COL11A1: variants seen among roughly 807,000 people sequenced by gnomAD.
The protein encoded by COL11A1 is collagen type XI alpha 1 chain.
In COL11A1, 74 loss-of-function variants were observed where a neutral mutation model predicts 265.2. That is an observed-to-expected ratio of 0.28 (90% CI 0.23 to 0.34). The LOEUF is 0.34. COL11A1 is among the 10% of genes least tolerant of loss of function. The pLI is 1.00. For missense variants in COL11A1, 2,165 were observed against 2,263.6 expected (o/e 0.96, Z 0.88); for synonymous variants, 816 against 727.6 (o/e 1.12, Z -1.96).
chr1:102,890,510 T>C lies in COL11A1; in HGVS notation c.4303-6A>G, dbSNP rs575546721. The stretch of plus-strand genomic sequence containing the variant: ...CCAGGTAAGCCAGGAGGTCCCTAAA[T>C]AATAACAAAAAAAAAACCCCAAAAC... On this transcript the variant is annotated splice_polypyrimidine_tract_variant and splice_region_variant and intron_variant, in intron 57 of 66. Transcript: ENST00000370096. 2 of 1,588,484 alleles carry C rather than the reference T, an allele frequency of 1.3e-6. No homozygotes were observed. Among genetic ancestry groups the C allele is most frequent in the East Asian group, 2.2e-5 (1 of 44,476 alleles).
intron 41 of COL11A1, among the ~76,000 whole-genome samples, chr1:102,955,747 A>G (rs547052256): frequency 6.6e-6 from 1 of 152,288 alleles, no homozygotes; most frequent in Admixed American, 6.5e-5. Context: ...GTTGCATGAT[A>G]TATTTACATA....
intron 54 of COL11A1, among the ~76,000 whole-genome samples, chr1:102,901,861 C>T (rs1570673401): frequency 6.6e-6 from 1 of 152,074 alleles, no homozygotes; most frequent in East Asian, 1.9e-4. Flanking sequence ...TTAAATATCC[C>T]TTATATTCCA....
At chr1:103,039,360 C>A (rs1668630332) in intron 4 of COL11A1, among the ~76,000 whole-genome samples, 1 of 151,906 alleles carries the variant, frequency 6.6e-6, no homozygotes, top group East Asian at 1.9e-4. Context: ...AAATTGTGTC[C>A]CCTCGAATTT....
chr1:102,935,695 C>T (rs945534796), intron 44 of COL11A1, among the ~76,000 whole-genome samples: 1 of 152,144 alleles, frequency 6.6e-6, no homozygotes, highest in African/African-American at 2.4e-5. Context: ...TTCATTGTCT[C>T]ATTTTCTTAC....
intron 58 of COL11A1, among the ~76,000 whole-genome samples, chr1:102,889,960 C>G (rs1387735471): frequency 6.6e-6 from 1 of 152,092 alleles, no homozygotes; most frequent in African/African-American, 2.4e-5. Flanking sequence ...TTCAGAGACT[C>G]TGCAGTCTTT....
At chr1:102,908,745 A>C (rs1022060674) in intron 54 of COL11A1, among the ~76,000 whole-genome samples, 6 of 152,104 alleles carry the variant, frequency 3.9e-5, no homozygotes, top group African/African-American at 1.4e-4. Flanking sequence ...TATATAAAAA[A>C]ATCAAGTATA....
At chr1:102,996,178 G>T (rs1664608218) in intron 26 of COL11A1, 136 bp from the exon 27 acceptor site, 1 of 828,296 alleles carries the variant, frequency 1.2e-6, no homozygotes, top group African/African-American at 1.7e-5. Flanking sequence ...CTTTTTGGTA[G>T]TTTACTCTTT....
Position 102,950,911 on chromosome 1 carries a change from A to C in COL11A1, c.3169-3955T>G, listed in dbSNP as rs183245284. Among the ~76,000 whole-genome samples the C allele has an allele frequency of 6.7e-4, 102 of 152,212 alleles. 1 individual carries two copies. The highest frequency in any genetic ancestry group is 9.9e-4 in the Non-Finnish European group (67 of 68,012). ...TTCTCCTGACAATGAGTGAGTTCTTATGGGATCTGATGGTTTATAAGGGGC... is the reference window on the plus strand; with the variant it reads ...TTCTCCTGACAATGAGTGAGTTCTTCTGGGATCTGATGGTTTATAAGGGGC... On this transcript the variant is annotated intron_variant, in intron 41 of 66. Coordinates refer to ENST00000370096, the MANE Select transcript of COL11A1 (RefSeq NM_001854.4).
At position 103,021,689 on chromosome 1, in the gene COL11A1, A is replaced by C; in HGVS notation, c.1308+18T>G. 1 of 1,566,800 alleles carries C rather than the reference A, an allele frequency of 6.4e-7. No homozygotes were observed. Among genetic ancestry groups the C allele is most frequent in the Non-Finnish European group, 8.8e-7 (1 of 1,136,744 alleles). On this transcript the variant is annotated intron_variant, in intron 9 of 66. Coordinates refer to ENST00000370096, the MANE Select transcript of COL11A1 (RefSeq NM_001854.4). ...GCAATTTTACCAACCTTTAAAGTGTATTCACACTACTACTTACAGGCTCAA... is the reference window on the plus strand; with the variant it reads ...GCAATTTTACCAACCTTTAAAGTGTCTTCACACTACTACTTACAGGCTCAA...
At chr1:102,915,780 A>AT (rs1273089147) in intron 49 of COL11A1, 96 bp from the exon 50 acceptor site, 6 of 962,184 alleles carry the variant, frequency 6.2e-6, no homozygotes, top group African/African-American at 3.4e-5. Context: ...ATTAGCCCTT[A>AT]TTTTTTTATA....
At chr1:102,904,018 T>C (rs1653572896) in intron 54 of COL11A1, among the ~76,000 whole-genome samples, 1 of 152,068 alleles carries the variant, frequency 6.6e-6, no homozygotes, top group Admixed American at 6.6e-5. Context: ...CATGTCATCA[T>C]ACCTGACTAA....
At chr1:103,074,003 T>G (rs1432659330) in intron 4 of COL11A1, among the ~76,000 whole-genome samples, 1 of 152,046 alleles carries the variant, frequency 6.6e-6, no homozygotes, top group Non-Finnish European at 1.5e-5. Context: ...GTGTCAGAAT[T>G]CAGGTCATTT....
chr1:103,031,333 T>C, intron 4 of COL11A1, 89 bp from the exon 5 acceptor site: 1 of 1,454,804 alleles, frequency 6.9e-7, no homozygotes, highest in Non-Finnish European at 9.3e-7. Context: ...TGTGGTTTAT[T>C]TTTAAATATT....
intron 57 of COL11A1, among the ~76,000 whole-genome samples, chr1:102,892,707 G>C (rs564672955): frequency 6.6e-6 from 1 of 152,098 alleles, no homozygotes; most frequent in African/African-American, 2.4e-5. Context: ...TAGCCCTTGT[G>C]TAACAATGGT....
chr1:102,992,172 A>T (rs1378172657), intron 28 of COL11A1, among the ~76,000 whole-genome samples: 1 of 152,174 alleles, frequency 6.6e-6, no homozygotes, highest in Non-Finnish European at 1.5e-5. Context: ...ATTCACGTTT[A>T]AAAAACAATT....
At chr1:103,066,174 TC>T (rs570086664) in intron 4 of COL11A1, among the ~76,000 whole-genome samples, 18 of 152,118 alleles carry the variant, frequency 1.2e-4, no homozygotes, top group African/African-American at 4.3e-4. Flanking sequence ...GAAAAGTGTA[TC>T]CTAGAAAAAT....
Position 102,915,673 on chromosome 1 carries a change from T to C in COL11A1, c.3774A>G (p.Gly1258=). 1 of 1,612,422 alleles carries C rather than the reference T, an allele frequency of 6.2e-7. No homozygotes were observed. Among genetic ancestry groups the C allele is most frequent in the Non-Finnish European group, 8.5e-7 (1 of 1,178,480 alleles). The part of the protein sequence containing the change: ...VGGVGEKGEP[G]EAGNPGPPGE... Reference sequence around the variant, plus strand: ...CAGGAGGCCCTGGGTTCCCTGCTTCTCCAGGTTCACCCTATATAGAGAAGA... The same window carrying C: ...CAGGAGGCCCTGGGTTCCCTGCTTCCCCAGGTTCACCCTATATAGAGAAGA... Residue 1258 remains glycine (G), a synonymous_variant, in exon 50 of 67, where the codon GGA becomes GGG. Coordinates refer to ENST00000370096, the MANE Select transcript of COL11A1 (RefSeq NM_001854.4).
chr1:103,014,649 T>A, intron 12 of COL11A1, 55 bp from the exon 13 acceptor site: 2 of 1,449,212 alleles, frequency 1.4e-6, no homozygotes, highest in Non-Finnish European at 1.9e-6. Flanking sequence ...ACATGTTGAA[T>A]TACGTGCTTT....
chr1:102,910,723 G>A (rs1654564664), intron 54 of COL11A1, among the ~76,000 whole-genome samples: 1 of 151,964 alleles, frequency 6.6e-6, no homozygotes, highest in South Asian at 2.1e-4. Flanking sequence ...CCCAACACTA[G>A]GGTGGGTGTT....
Sources: gnomAD v4.1 joint callset for allele counts (sites outside exome capture counted in the v4.1 genomes callset) on GRCh38, gnomAD v4.1.1 for gene constraint, MANE v1.5 for transcripts, NCBI Gene and HGNC (gene_info 2026-07-23, HGNC 2026-07-21) for gene names.